Variants in ABCA3 observed in about 807,000 individuals in gnomAD.
The protein encoded by ABCA3 is phospholipid-transporting ATPase ABCA3.
In ABCA3, 88 loss-of-function variants were observed where a neutral mutation model predicts 172.8. The observed-to-expected ratio is 0.51, with a 90% CI of 0.43 to 0.61. The LOEUF (loss-of-function observed/expected upper bound fraction) is 0.61, where lower values mean the gene tolerates loss of function less well. Among genes scored for constraint, ABCA3 ranks in the 20% least tolerant of loss-of-function variants. ABCA3 has a pLI of 0.00. For missense variants in ABCA3, 2,164 were observed against 2,301.0 expected, an observed-to-expected ratio of 0.94 and a Z score of 1.22; for synonymous variants, 1,066 against 983.8, an observed-to-expected ratio of 1.08 and a Z score of -1.56.
At position 2,284,333 on chromosome 16, in the gene ABCA3, T is replaced by A. The variant is rs2093659491; in HGVS notation, c.3808A>T (p.Thr1270Ser). 2 of 1,613,900 alleles carry A rather than the reference T, an allele frequency of 1.2e-6. No individual in the cohort carries two copies. The highest frequency in any genetic ancestry group is 1.7e-6 in the Non-Finnish European group (2 of 1,179,982). The change falls in exon 25 of 33, where the codon ACG becomes TCG. Residue 1270 changes from threonine to serine, a missense_variant. Physicochemically the swap from Thr to Ser is moderately conservative, Grantham distance 58. Around this residue, in one of 3 missense-constraint regions of ABCA3, gnomAD observed 795 missense variants for 881.9 expected, o/e 0.90. Coordinates refer to ENST00000301732, the MANE Select transcript of ABCA3 (RefSeq NM_001089.3). This position sits in a 1 kb window ranked among gnomAD's most constrained non-coding sequence, Gnocchi z 5.9. ...TCGGAGGAGGTGCAGTACCTCCGCG[T>A]CTCGTAGTTCTCGTAGAAACTGCTG... ...AVSSFYENYE[T>S]RRYCTSSEVA...
intron 8 of ABCA3, 48 bp from the exon 9 acceptor site, chr16:2,317,812 A>G: frequency 6.4e-7 from 1 of 1,563,384 alleles, no homozygotes; most frequent in Non-Finnish European, 8.8e-7. Flanking sequence ...ACTGCCCGCC[A>G]TGATGGCATG....
At chr16:2,310,345 T>C (rs888394821) in intron 10 of ABCA3, among the ~76,000 whole-genome samples, 4 of 148,794 alleles carry the variant, frequency 2.7e-5, no homozygotes, top group Non-Finnish European at 5.9e-5. Context: ...GAGGTGGAGG[T>C]TGCAGTGAGC....
At position 2,285,072 on chromosome 16, in the gene ABCA3, G is replaced by A. The variant is rs1383777568; in HGVS notation, c.3484-74C>T. 6.0e-6 allele frequency: 9 copies of A among 1,497,670 alleles called. No homozygotes were observed. The East Asian group carries it at 7.2e-5, about 12-fold the overall frequency. The allele number at this position is 1,497,670 out of a possible 1,614,324, so 92.8% of individuals were successfully genotyped here. The stretch of plus-strand genomic sequence containing the variant: ...CTCACGGGTAGGGAAGGGGTGAGAG[G>A]AGCATTTGGAGGTCCTCAGACCCCT... On this transcript the variant is annotated intron_variant, in intron 23 of 32. Coordinates refer to ENST00000301732, the MANE Select transcript of ABCA3 (RefSeq NM_001089.3). This position sits in a 1 kb window ranked among gnomAD's most constrained non-coding sequence, Gnocchi z 4.7.
chr16:2,300,144 G>C lies in ABCA3; in HGVS notation c.1472C>G (p.Ser491Cys). ...PQPWYFFIMP[S>C]YWCGKPRAVA... ...CGCCCTTGGCTTCCCACACCAATAGGAGGGCTGGGAGGGAAGCAGACAGCT... is the reference window on the plus strand; with the variant it reads ...CGCCCTTGGCTTCCCACACCAATAGCAGGGCTGGGAGGGAAGCAGACAGCT... The change falls in exon 13 of 33, where the codon TCC becomes TGC. Residue 491 changes from serine to cysteine, a missense_variant. Physicochemically the swap from Ser to Cys is moderately radical, Grantham distance 112. This residue lies in a region of ABCA3 where 1,343 missense variants were observed against 1,369.6 expected (regional missense o/e 0.98). Coordinates refer to ENST00000301732, the MANE Select transcript of ABCA3 (RefSeq NM_001089.3). 1 of 1,613,366 alleles carries C rather than the reference G, an allele frequency of 6.2e-7. No homozygotes were observed. The highest frequency in any genetic ancestry group is 8.5e-7 in the Non-Finnish European group (1 of 1,179,932).
rs139435787 is a variant in ABCA3, at chr16:2,325,512, C to T, written c.319+498G>A. On this transcript the variant is annotated intron_variant, in intron 5 of 32. Coordinates refer to ENST00000301732, the MANE Select transcript of ABCA3 (RefSeq NM_001089.3). ...TGATGCTAGATGGGCTTGATGGCTT[C>T]CTAGTCTTAGGGCCATCAGGCAAGC... is the stretch of plus-strand genomic sequence containing the variant. 7.8e-3 allele frequency among the ~76,000 whole-genome samples: 1,184 copies of T among 152,266 alleles called. 6 individuals are homozygous for T. Among genetic ancestry groups the T allele is most frequent in the Non-Finnish European group, 0.013 (882 of 68,018 alleles).
chr16:2,319,071 G>A (rs1283567388), intron 8 of ABCA3, among the ~76,000 whole-genome samples: 3 of 151,880 alleles, frequency 2.0e-5, no homozygotes, highest in African/African-American at 7.3e-5. Flanking sequence ...GCCTCAAAAT[G>A]AGCCCCTAGC....
At chr16:2,319,923 G>A (rs1266492300) in intron 7 of ABCA3, 83 bp from the exon 8 acceptor site, 3 of 1,576,146 alleles carry the variant, frequency 1.9e-6, no homozygotes, top group Non-Finnish European at 2.6e-6. Flanking sequence ...GGGTCCATGG[G>A]GGAAGAGATG....
chr16:2,303,259 T>C (rs1331555702), intron 12 of ABCA3, among the ~76,000 whole-genome samples: 5 of 151,112 alleles, frequency 3.3e-5, no homozygotes, highest in Non-Finnish European at 7.4e-5. Context: ...GAACTTTTTT[T>C]CTCTCTTTTT....
intron 10 of ABCA3, among the ~76,000 whole-genome samples, chr16:2,312,160 C>A (rs926049527): frequency 1.3e-5 from 2 of 152,180 alleles, no homozygotes; most frequent in African/African-American, 4.8e-5. Flanking sequence ...TTGCAAAATT[C>A]TATTTTTTGC....
rs1461022359 is a variant in ABCA3 at position 2,281,934 on chromosome 16, A to C, written c.4036-425T>G. 1.3e-5 allele frequency among the ~76,000 whole-genome samples: 2 copies of C among 151,810 alleles called. No homozygotes were observed. ...ATTCTCCTGCTTCAGCCTCCCGAGT[A>C]GCGCGCCACCACGCCCAGCTAATTT... On this transcript the variant is annotated intron_variant, in intron 26 of 32. Coordinates refer to ENST00000301732, the MANE Select transcript of ABCA3 (RefSeq NM_001089.3). This position sits in a 1 kb window ranked among gnomAD's most constrained non-coding sequence, Gnocchi z 4.7.
chr16:2,293,599 G>A (rs1044458323), intron 18 of ABCA3, among the ~76,000 whole-genome samples: 9 of 149,916 alleles, frequency 6.0e-5, no homozygotes, highest in Non-Finnish European at 1.0e-4. Flanking sequence ...GTGCGGTGGC[G>A]CGATCTTGGC....
Position 2,279,263 on chromosome 16 carries a change from G to T in ABCA3, c.4360-133C>A. The T allele has an allele frequency of 9.6e-7, 1 of 1,038,824 alleles. No homozygotes were observed. Among genetic ancestry groups the T allele is most frequent in the Non-Finnish European group, 1.4e-6 (1 of 705,902 alleles). 64.4% of individuals were successfully genotyped at this position (1,038,824 alleles called of 1,614,324 possible). A position where few individuals can be genotyped will look rare whatever the true frequency, so the allele number is the denominator to read the frequency against. On this transcript the variant is annotated intron_variant, in intron 28 of 32. Coordinates refer to ENST00000301732, the MANE Select transcript of ABCA3 (RefSeq NM_001089.3). The surrounding 1 kb of genome is among the most constrained non-coding windows in gnomAD (Gnocchi z 4.4). The stretch of plus-strand genomic sequence containing the variant: ...GGTTCCTGCCAGTGTGTGTACACGG[G>T]GGCGCTGGAGCTATGCACAGGCCGT...
Position 2,297,297 on chromosome 16 carries a change from C to A in ABCA3, c.2263+32G>T, listed in dbSNP as rs375573611. ...TCCCTCAGCACGGCAGCCAGGACAC[C>A]GACCCTGTCGCGGGCTGGCCCCACC... On this transcript the variant is annotated intron_variant, in intron 17 of 32. Coordinates refer to ENST00000301732, the MANE Select transcript of ABCA3 (RefSeq NM_001089.3). The surrounding 1 kb of genome is among the most constrained non-coding windows in gnomAD (Gnocchi z 5.6). 2.9e-5 allele frequency: 46 copies of A among 1,605,016 alleles called. No individual in the cohort carries two copies. In the African/African-American group the frequency reaches 5.9e-4, roughly 21 times the overall value.
intron 3 of ABCA3, among the ~76,000 whole-genome samples, chr16:2,326,936 C>G (rs1386577228): frequency 1.3e-5 from 2 of 152,072 alleles, no homozygotes; most frequent in African/African-American, 4.8e-5. Flanking sequence ...TGCAGTGAGC[C>G]AAGATCGTGC....
rs768754320 is a variant in ABCA3 at position 2,286,773 on chromosome 16, C to T, written c.3199G>A (p.Gly1067Arg). 20 of 1,614,118 alleles carry T rather than the reference C, an allele frequency of 1.2e-5. No individual in the cohort carries two copies. The highest frequency in any genetic ancestry group is 3.4e-6 in the Non-Finnish European group (4 of 1,180,022). Residue 1067 changes from glycine (G) to arginine (R), a missense_variant, in exon 22 of 33, where the codon GGG becomes AGG. Gly to Arg is a moderately radical substitution (Grantham distance 125, BLOSUM62 -2). Coordinates refer to ENST00000301732, the MANE Select transcript of ABCA3 (RefSeq NM_001089.3). This position sits in a 1 kb window ranked among gnomAD's most constrained non-coding sequence, Gnocchi z 5.2. ...VDNLLFKLLC[G>R]PHASIVVSNF... ...GAGACCACAATGGAGGCGTGAGGCC[C>T]GCACAGCAGCTTGAACAGAAGGTTG... is the stretch of plus-strand genomic sequence containing the variant.
chr16:2,315,203 T>TACACACACACACAC (rs377647001), intron 10 of ABCA3, among the ~76,000 whole-genome samples: 1 of 138,424 alleles, frequency 7.2e-6, no homozygotes, highest in Admixed American at 7.3e-5. Context: ...GTATGTATTT[T>TACACACACACACAC]ACACACACAC....
At chr16:2,289,337 T>C in intron 20 of ABCA3, 97 bp downstream of exon 20, 4 of 1,449,976 alleles carry the variant, frequency 2.8e-6, no homozygotes, top group Non-Finnish European at 3.7e-6. Context: ...GGACCCTGTT[T>C]GCGCCCTCGC....
chr16:2,282,091 G>A (rs1296691855), intron 26 of ABCA3, among the ~76,000 whole-genome samples: 1 of 152,036 alleles, frequency 6.6e-6, no homozygotes. Flanking sequence ...TGGCTGGCCT[G>A]AAAGTAAGAT....
chr16:2,324,410 C>G lies in ABCA3; in HGVS notation c.441G>C (p.Pro147=). Residue 147 remains proline, a synonymous_variant, in exon 6 of 33, where the codon CCG becomes CCC. Coordinates refer to ENST00000301732, the MANE Select transcript of ABCA3 (RefSeq NM_001089.3). ...HPFNHSKEPL[P]LAVKYHLRFS... is the part of the protein sequence containing the mutation. The stretch of plus-strand genomic sequence containing the variant: ...GCCCGGCCGCACGTCTCACCGCCAG[C>G]GGCAGGGGCTCCTTGCTGTGGTTGA... 1 of 1,597,488 alleles carries G rather than the reference C, an allele frequency of 6.3e-7. No homozygotes were observed. The highest frequency in any genetic ancestry group is 8.5e-7 in the Non-Finnish European group (1 of 1,176,556).
Sources: allele counts gnomAD v4.1 joint callset (sites outside exome capture counted in the v4.1 genomes callset), GRCh38; gene constraint gnomAD v4.1.1; regional missense constraint gnomAD v4.1.1; non-coding constraint Gnocchi (gnomAD v3.1); transcripts MANE v1.5; gene names NCBI Gene and HGNC (gene_info 2026-07-23, HGNC 2026-07-21).